Variants in ZFHX3 observed in about 807,000 individuals in gnomAD.
ZFHX3 encodes the protein zinc finger homeobox 3.
Under a neutral mutation model 279.1 loss-of-function variants are expected in ZFHX3, and 42 were observed. The observed-to-expected ratio is 0.15, with a 90% CI of 0.12 to 0.19. ZFHX3 has a LOEUF of 0.19. Ranked by LOEUF, ZFHX3 falls within the 10% of genes least tolerant of loss-of-function variation. The probability of loss-of-function intolerance (pLI) is 1.00; values close to 1 mark genes in which losing one functional copy is unlikely to be tolerated. For missense variants in ZFHX3, 4,981 were observed against 4,754.0 expected (o/e 1.05, Z -1.40); for synonymous variants, 2,293 against 1,957.8 (o/e 1.17, Z -4.52).
chr16:73,454,263 G>T (rs1216395868), intron 3 of ZFHX3, among the ~76,000 whole-genome samples: 1 of 152,044 alleles, frequency 6.6e-6, no homozygotes, highest in East Asian at 1.9e-4. Flanking sequence ...TCTCAATCTT[G>T]GGTACCCATG....
chr16:73,246,199 T>G (rs1217109597), intron 5 of ZFHX3, among the ~76,000 whole-genome samples: 1 of 152,064 alleles, frequency 6.6e-6, no homozygotes, highest in Non-Finnish European at 1.5e-5. Context: ...AGTTGTGACC[T>G]TTTAGGAGAG....
chr16:72,903,161 G>A (rs1021376958), intron 3 of ZFHX3, among the ~76,000 whole-genome samples: 5 of 152,124 alleles, frequency 3.3e-5, no homozygotes, highest in Non-Finnish European at 5.9e-5. Flanking sequence ...GTTCGAGGAG[G>A]GTGCCCACTG....
chr16:73,836,933 C>A (rs377085535), intron 1 of ZFHX3, among the ~76,000 whole-genome samples: 1 of 152,332 alleles, frequency 6.6e-6, no homozygotes, highest in African/African-American at 2.4e-5. Flanking sequence ...AGCCTGCCTC[C>A]CCTTCTACTT....
At chr16:73,153,822 G>C (rs1015254302) in intron 5 of ZFHX3, among the ~76,000 whole-genome samples, 1 of 151,834 alleles carries the variant, frequency 6.6e-6, no homozygotes, top group East Asian at 1.9e-4. Context: ...GCTAATTTTT[G>C]TATTTTTAGT....
At chr16:73,572,453 C>G (rs2051751687) in intron 2 of ZFHX3, among the ~76,000 whole-genome samples, 1 of 152,214 alleles carries the variant, frequency 6.6e-6, no homozygotes, top group African/African-American at 2.4e-5. Context: ...AGAGCGAAAA[C>G]TCTTAGGAGC....
intron 2 of ZFHX3, among the ~76,000 whole-genome samples, chr16:73,479,671 C>T (rs577441191): frequency 6.6e-6 from 1 of 152,132 alleles, no homozygotes; most frequent in Non-Finnish European, 1.5e-5. Context: ...TGTCACCATG[C>T]CTCCTATATG....
chr16:73,164,834 A>G (rs919002894), intron 5 of ZFHX3, among the ~76,000 whole-genome samples: 1 of 152,194 alleles, frequency 6.6e-6, no homozygotes, highest in Admixed American at 6.5e-5. Context: ...TGACTTCAAG[A>G]AGTAGGTACT....
chr16:72,829,818 C>G lies in ZFHX3; in HGVS notation c.3490G>C (p.Ala1164Pro). ...TCCTTAGCAAGCTCCTCTGGATCAG[C>G]AGCTGTTTCACTGGGTCCTTCAACA... is the stretch of plus-strand genomic sequence containing the variant. ...EDVEGPSETA[A>P]DPEELAKDQE... The change falls in exon 5 of 10, where the codon GCT becomes CCT. Residue 1164 changes from alanine to proline, a missense_variant. Physicochemically the swap from Ala to Pro is conservative, Grantham distance 27. Transcript: ENST00000268489. 1 of 1,614,222 alleles carries G rather than the reference C, an allele frequency of 6.2e-7. No individual in the cohort carries two copies. Among genetic ancestry groups the G allele is most frequent in the South Asian group, 1.1e-5 (1 of 91,078 alleles).
chr16:73,473,367 A>AAAAAAAAAAAAAAAAT (rs2018709046), intron 2 of ZFHX3, among the ~76,000 whole-genome samples: 1 of 114,770 alleles, frequency 8.7e-6, no homozygotes, highest in African/African-American at 3.1e-5. Flanking sequence ...ACAAAAAAAA[A>AAAAAAAAAAAAAAAAT]AAAAACAAAA....
rs1300130837 is a variant in ZFHX3, at chr16:73,392,351, G to A, written c.-1291+63652C>T. ...CACGGGACCCTTGAACCCTGGAGGT[G>A]GAGGCTGCAGTAAGCTGAGATCACA... On this transcript the variant is annotated intron_variant, in intron 3 of 17. Coordinates refer to the ZFHX3 transcript ENST00000641206. Among the ~76,000 whole-genome samples the A allele has an allele frequency of 2.8e-5, 4 of 142,742 alleles. No homozygotes were observed. The East Asian group carries it at 8.1e-4, about 29-fold the overall frequency. The allele number at this position is 142,742 out of a possible 152,430, so 93.6% of individuals were successfully genotyped here.
chr16:73,452,434 T>A (rs1027567915), intron 3 of ZFHX3, among the ~76,000 whole-genome samples: 1 of 152,180 alleles, frequency 6.6e-6, no homozygotes, highest in East Asian at 1.9e-4. Context: ...TGAACTCTTC[T>A]AGCTGGCAGA....
At chr16:73,712,378 C>T (rs908311686) in intron 1 of ZFHX3, among the ~76,000 whole-genome samples, 3 of 152,164 alleles carry the variant, frequency 2.0e-5, no homozygotes, top group Admixed American at 6.5e-5. Flanking sequence ...AGTGGGTTAT[C>T]AGGGAACATC....
intron 3 of ZFHX3, among the ~76,000 whole-genome samples, chr16:73,451,105 T>C (rs2018275563): frequency 6.6e-6 from 1 of 152,184 alleles, no homozygotes; most frequent in Admixed American, 6.5e-5. Context: ...AGGATACATG[T>C]TTGGAGCAAT....
chr16:73,713,930 T>C (rs895752198), intron 1 of ZFHX3, among the ~76,000 whole-genome samples: 4 of 152,160 alleles, frequency 2.6e-5, no homozygotes, highest in Non-Finnish European at 5.9e-5. Flanking sequence ...CACAGCCTTG[T>C]TTAGAAGGCT....
At chr16:73,030,459 T>G (rs915625233) in intron 1 of ZFHX3, among the ~76,000 whole-genome samples, 1 of 152,172 alleles carries the variant, frequency 6.6e-6, no homozygotes, top group African/African-American at 2.4e-5. Flanking sequence ...AGGATGTAAT[T>G]GGTGAGGCAG....
chr16:72,843,603 G>A (rs2037403640), intron 4 of ZFHX3, among the ~76,000 whole-genome samples: 1 of 151,050 alleles, frequency 6.6e-6, no homozygotes, highest in South Asian at 2.1e-4. Context: ...CAGCTGTGTA[G>A]GGAAGAAGTG....
At chr16:73,806,038 C>A (rs537296641) in intron 1 of ZFHX3, among the ~76,000 whole-genome samples, 1 of 152,118 alleles carries the variant, frequency 6.6e-6, no homozygotes, top group Non-Finnish European at 1.5e-5. Context: ...ACAATCATGG[C>A]GAAAGGCATC....
chr16:73,588,259 T>TCTTCTAC (rs2051947981), intron 2 of ZFHX3, among the ~76,000 whole-genome samples: 1 of 152,082 alleles, frequency 6.6e-6, no homozygotes, highest in Non-Finnish European at 1.5e-5. Context: ...AGATAAAGAA[T>TCTTCTAC]GTACGTAGAA....
intron 2 of ZFHX3, among the ~76,000 whole-genome samples, chr16:73,476,588 T>A (rs1307854132): frequency 6.6e-6 from 1 of 152,222 alleles, no homozygotes; most frequent in Non-Finnish European, 1.5e-5. Flanking sequence ...AATTTTTAAT[T>A]GATTTAACAT....
Sources: gnomAD v4.1 joint callset for allele counts (sites outside exome capture counted in the v4.1 genomes callset) on GRCh38, gnomAD v4.1.1 for gene constraint, MANE v1.5 for transcripts, NCBI Gene and HGNC (gene_info 2026-07-23, HGNC 2026-07-21) for gene names.